The following GALK2 variants were observed in gnomAD, a reference collection of about 807,000 sequenced individuals.
The protein encoded by GALK2 is N-acetylgalactosamine kinase.
GALK2 carries 36 observed loss-of-function variants against 52.4 expected under a neutral mutation model. That is an observed-to-expected ratio of 0.69 (90% CI 0.53 to 0.91). The LOEUF (loss-of-function observed/expected upper bound fraction) is 0.91. Ranked by LOEUF, GALK2 falls within the 40% of genes least tolerant of loss-of-function variation. GALK2 has a pLI of 0.00. For missense variants in GALK2, 579 were observed against 559.1 expected, an observed-to-expected ratio of 1.04 and a Z score of -0.36; for synonymous variants, 176 against 199.1, an observed-to-expected ratio of 0.88 and a Z score of 0.98.
intron 1 of GALK2, chr15:49,158,847 A>G (rs932429793): frequency 6.6e-6 from 1 of 152,204 alleles, no homozygotes; most frequent in African/African-American, 2.4e-5. Flanking sequence ...ATATTTAGAG[A>G]CAAGATCTTG....
At chr15:49,301,430 C>A (rs749326065) in intron 8 of GALK2, among the ~76,000 whole-genome samples, 7 of 152,026 alleles carry the variant, frequency 4.6e-5, no homozygotes, top group Non-Finnish European at 7.4e-5. Context: ...AGTCTTGGAG[C>A]CTCAGGGGCC....
intron 1 of GALK2, among the ~76,000 whole-genome samples, chr15:49,161,487 G>GT (rs2084649375): frequency 6.6e-6 from 1 of 152,130 alleles, no homozygotes; most frequent in Non-Finnish European, 1.5e-5. Context: ...ATACCGTTAA[G>GT]ATACTCTCTT....
intron 3 of GALK2, among the ~76,000 whole-genome samples, chr15:49,362,790 T>G (rs987019196): frequency 1.3e-5 from 2 of 152,178 alleles, no homozygotes; most frequent in African/African-American, 2.4e-5. Context: ...CCATCTTAAG[T>G]TGATTTTTGT....
At chr15:49,195,187 T>G (rs1214562769) in intron 1 of GALK2, 1 of 432,058 alleles carries the variant, frequency 2.3e-6, no homozygotes, top group African/African-American at 2.1e-5. Context: ...TTCTCCTGCC[T>G]CCGCCTCCGG....
chr15:49,364,031 G>A (rs983112559), intron 3 of GALK2, among the ~76,000 whole-genome samples: 5 of 152,062 alleles, frequency 3.3e-5, no homozygotes, highest in African/African-American at 1.2e-4. Flanking sequence ...ATTTTGTTGA[G>A]AATTTTTGCA....
At chr15:49,323,343 T>C (rs1260299728) in intron 9 of GALK2, among the ~76,000 whole-genome samples, 3 of 152,160 alleles carry the variant, frequency 2.0e-5, no homozygotes, top group Non-Finnish European at 4.4e-5. Context: ...TTAAAAATGT[T>C]AACATCAGTA....
intron 3 of GALK2, among the ~76,000 whole-genome samples, chr15:49,233,253 G>A (rs1304204278): frequency 6.6e-6 from 1 of 152,188 alleles, no homozygotes; most frequent in Non-Finnish European, 1.5e-5. Flanking sequence ...CCAGGAGGAA[G>A]AGAGAGAGGT....
At position 49,189,085 on chromosome 15, in the gene GALK2, A is replaced by G. The variant is rs1410001235; in HGVS notation, c.54-12077A>G. On this transcript the variant is annotated intron_variant, in intron 1 of 9. Coordinates refer to ENST00000560031, the MANE Select transcript of GALK2 (RefSeq NM_002044.4). ...GCTACCATGTATCCCCTGCTTTTTT[A>G]TAGATCAGATAAATAATTTAGTTTT... Among the ~76,000 whole-genome samples the G allele has an allele frequency of 2.6e-5, 4 of 152,178 alleles. 1 individual carries two copies. Among genetic ancestry groups the G allele is most frequent in the East Asian group, 3.8e-4 (2 of 5,198 alleles).
At chr15:49,198,180 G>T (rs917489534) in intron 1 of GALK2, among the ~76,000 whole-genome samples, 7 of 151,980 alleles carry the variant, frequency 4.6e-5, no homozygotes, top group Non-Finnish European at 1.0e-4. Context: ...ATTCTTTTTT[G>T]TTGTTGTTGT....
chr15:49,273,735 T>C (rs1484187712), intron 5 of GALK2, among the ~76,000 whole-genome samples: 1 of 152,134 alleles, frequency 6.6e-6, no homozygotes, highest in East Asian at 1.9e-4. Flanking sequence ...TGGGGAAGAA[T>C]TTGAAAATAG....
intron 8 of GALK2, among the ~76,000 whole-genome samples, chr15:49,316,046 G>A (rs1395967991): frequency 1.3e-5 from 2 of 152,190 alleles, no homozygotes; most frequent in Non-Finnish European, 2.9e-5. Flanking sequence ...GCCCTAAAAT[G>A]TGCTTGGATG....
At chr15:49,215,230 T>G (rs2089277925) in intron 2 of GALK2, among the ~76,000 whole-genome samples, 2 of 152,176 alleles carry the variant, frequency 1.3e-5, no homozygotes, top group Admixed American at 1.3e-4. Context: ...CCTTTTGGTG[T>G]TGTGTGATCT....
intron 1 of GALK2, among the ~76,000 whole-genome samples, chr15:49,160,543 G>T (rs890969071): frequency 4.0e-5 from 6 of 151,878 alleles, no homozygotes; most frequent in South Asian, 2.1e-4. Flanking sequence ...GACTGATCTC[G>T]TTTACTACTG....
chr15:49,157,820 G>C (rs1360338437), intron 1 of GALK2, among the ~76,000 whole-genome samples: 2 of 152,162 alleles, frequency 1.3e-5, no homozygotes, highest in South Asian at 2.1e-4. Flanking sequence ...TCTTGAGTAA[G>C]AGTGTGTGAG....
chr15:49,306,580 T>C (rs1208202588), intron 8 of GALK2, among the ~76,000 whole-genome samples: 4 of 152,188 alleles, frequency 2.6e-5, no homozygotes, highest in African/African-American at 9.6e-5. Context: ...TTTCCTGTAA[T>C]TCAATTAATA....
intron 1 of GALK2, among the ~76,000 whole-genome samples, chr15:49,181,491 A>T (rs886419412): frequency 2.7e-5 from 4 of 148,776 alleles, no homozygotes; most frequent in East Asian, 4.0e-4. Flanking sequence ...TTTCTTTTTT[A>T]AAAAAAAGAC....
intron 2 of GALK2, 152 bp from the exon 3 acceptor site, chr15:49,217,038 G>A (rs1403785615): frequency 3.5e-6 from 2 of 571,818 alleles, no homozygotes; most frequent in Non-Finnish European, 6.1e-6. Flanking sequence ...ATCATGGAAG[G>A]GTTCTATTTG....
At chr15:49,259,659 A>C (rs558763084) in intron 5 of GALK2, among the ~76,000 whole-genome samples, 41 of 149,300 alleles carry the variant, frequency 2.7e-4, no homozygotes, top group African/African-American at 9.6e-4. Context: ...TACATGTGCC[A>C]TGCTGGTGCG....
In GALK2 at chr15:49,234,770, C is replaced by CT. The variant is rs774807789; in HGVS notation, c.267-1067dup. Among the ~76,000 whole-genome samples the CT allele has an allele frequency of 1.0e-2, 1,449 of 145,000 alleles. 10 individuals are homozygous for CT. The highest frequency in any genetic ancestry group is 0.015 in the Non-Finnish European group (998 of 65,532). On this transcript the variant is annotated intron_variant, in intron 3 of 9. Transcript: ENST00000560031. ...GGACACAGCCAAACCATATCAGATACTTTTTTTTTTTTTTGAGACGGAATC... is the reference window on the plus strand; with the variant it reads ...GGACACAGCCAAACCATATCAGATACTTTTTTTTTTTTTTTGAGACGGAATC...
Sources: allele counts gnomAD v4.1 joint callset (sites outside exome capture counted in the v4.1 genomes callset), GRCh38; gene constraint gnomAD v4.1.1; transcripts MANE v1.5; gene names NCBI Gene and HGNC (gene_info 2026-07-23, HGNC 2026-07-21).